The following CDH18 variants were observed in gnomAD, a reference collection of about 807,000 sequenced individuals.
The protein encoded by CDH18 is cadherin-18.
Under a neutral mutation model 67.9 loss-of-function variants are expected in CDH18, and 31 were observed. The ratio of observed to expected loss-of-function variants is 0.46; its 90% CI spans 0.34 to 0.62. The LOEUF (loss-of-function observed/expected upper bound fraction) is 0.62, where lower values mean the gene tolerates loss of function less well. Among genes scored for constraint, CDH18 ranks in the 20% least tolerant of loss-of-function variants. The pLI, the probability that CDH18 is intolerant of heterozygous loss-of-function variation, is 0.01. For missense variants in CDH18, 890 were observed against 975.5 expected (o/e 0.91, Z 1.17); for synonymous variants, 362 against 347.2 (o/e 1.04, Z -0.48).
intron 1 of CDH18, among the ~76,000 whole-genome samples, chr5:20,319,908 A>G (rs1226948058): frequency 1.3e-5 from 2 of 152,224 alleles, no homozygotes; most frequent in African/African-American, 2.4e-5. Context: ...GTAATTCTAC[A>G]TTCCAATAAT....
intron 1 of CDH18, among the ~76,000 whole-genome samples, chr5:20,366,294 C>A (rs1229595082): frequency 6.6e-6 from 1 of 152,124 alleles, no homozygotes; most frequent in Non-Finnish European, 1.5e-5. Flanking sequence ...TCACCACCAC[C>A]ACCACCCATT....
At chr5:20,506,231 C>T (rs1754649632) in intron 1 of CDH18, among the ~76,000 whole-genome samples, 3 of 152,204 alleles carry the variant, frequency 2.0e-5, no homozygotes, top group African/African-American at 4.8e-5. Flanking sequence ...ATGAAGCCCT[C>T]AGGCAACTGT....
intron 1 of CDH18, among the ~76,000 whole-genome samples, chr5:20,564,675 A>G (rs1432126766): frequency 6.6e-6 from 1 of 152,172 alleles, no homozygotes; most frequent in Admixed American, 6.6e-5. Context: ...TCTTGCATTT[A>G]AAAACATTTT....
intron 1 of CDH18, among the ~76,000 whole-genome samples, chr5:20,278,442 A>G (rs911214487): frequency 3.3e-5 from 5 of 152,060 alleles, no homozygotes; most frequent in African/African-American, 1.2e-4. Context: ...AATAAATACA[A>G]TCTTTCCCAG....
At chr5:19,741,382 T>C (rs1769196929) in intron 4 of CDH18, among the ~76,000 whole-genome samples, 1 of 150,460 alleles carries the variant, frequency 6.6e-6, no homozygotes, top group Admixed American at 6.6e-5. Flanking sequence ...GCCAGTACCT[T>C]ACTAGGAACC....
At chr5:19,762,273 A>G (rs527505404) in intron 3 of CDH18, among the ~76,000 whole-genome samples, 136 of 152,344 alleles carry the variant, frequency 8.9e-4, no homozygotes, top group East Asian at 2.7e-3. Context: ...GCTTCTGCAC[A>G]GCAAAAGAAA....
intron 2 of CDH18, among the ~76,000 whole-genome samples, chr5:20,100,028 C>T (rs911861178): frequency 1.3e-5 from 2 of 152,066 alleles, no homozygotes; most frequent in Admixed American, 1.3e-4. Context: ...TCAAATGGTC[C>T]GCCCGCCTTG....
At chr5:19,967,433 G>A (rs1797567762) in intron 2 of CDH18, among the ~76,000 whole-genome samples, 1 of 152,118 alleles carries the variant, frequency 6.6e-6, no homozygotes, top group Non-Finnish European at 1.5e-5. Context: ...ACTGTGTTCT[G>A]TTCTAGAATC....
At chr5:20,351,822 C>G (rs747438486) in intron 1 of CDH18, among the ~76,000 whole-genome samples, 1 of 152,108 alleles carries the variant, frequency 6.6e-6, no homozygotes, top group Non-Finnish European at 1.5e-5. Context: ...AAGATCTTCA[C>G]TTTTCGGTAT....
rs376117433 is a variant in CDH18 at position 19,473,435 on chromosome 5, C to T, written c.2164G>A (p.Glu722Lys). ...GGAACGCTAGGGTCTAGGTCTGCTT[C>T]TGCCAGTCTTTGCTTAATAAATTCC... ...VQEFIKQRLA[E>K]ADLDPSVPPY... is the part of the protein sequence containing the mutation. The change falls in exon 13 of 13, where the codon GAA (glutamate) becomes AAA (lysine). Residue 722 changes from glutamate (E) to lysine (K), a missense_variant. Physicochemically the swap from Glu to Lys is moderately conservative, Grantham distance 56. Coordinates refer to ENST00000382275, the MANE Select transcript of CDH18 (RefSeq NM_004934.5). The T allele has an allele frequency of 2.4e-5, 39 of 1,613,730 alleles. No individual in the cohort carries two copies. The highest frequency in any genetic ancestry group is 3.1e-5 in the Non-Finnish European group (36 of 1,179,902).
intron 2 of CDH18, among the ~76,000 whole-genome samples, chr5:20,028,725 G>T (rs1355927742): frequency 6.6e-6 from 1 of 152,140 alleles, no homozygotes; most frequent in Non-Finnish European, 1.5e-5. Flanking sequence ...CACATTCAGA[G>T]TGGAATAGAG....
intron 2 of CDH18, among the ~76,000 whole-genome samples, chr5:20,103,013 A>T (rs1746606786): frequency 6.6e-6 from 1 of 152,058 alleles, no homozygotes; most frequent in Admixed American, 6.6e-5. Context: ...TTTCAATGAG[A>T]CTCTTAGAAA....
chr5:20,283,766 A>C (rs1746470694), intron 1 of CDH18, among the ~76,000 whole-genome samples: 1 of 152,070 alleles, frequency 6.6e-6, no homozygotes, highest in Admixed American at 6.6e-5. Flanking sequence ...TACCCAAAAT[A>C]AAGGAAATTA....
chr5:20,508,253 A>G (rs1318305515), intron 1 of CDH18, among the ~76,000 whole-genome samples: 1 of 148,048 alleles, frequency 6.8e-6, no homozygotes, highest in Non-Finnish European at 1.5e-5. Context: ...AACAAATACT[A>G]GTTGTTTTTA....
rs570975022 is a variant in CDH18, at chr5:20,320,804, T to C, written c.-579-65299A>G. Among the ~76,000 whole-genome samples, 16 of 152,226 alleles carry C rather than the reference T, an allele frequency of 1.1e-4. No homozygotes were observed. The South Asian group carries it at 2.9e-3, about 28-fold the overall frequency. ...GATACTGGCTCTTTCCTGTGGCCCA[T>C]GAGGGGACTGATGGAGAACAACCAC... On this transcript the variant is annotated intron_variant, in intron 1 of 14. Transcript: ENST00000507958.
At chr5:20,398,645 A>G (rs1293573852) in intron 1 of CDH18, among the ~76,000 whole-genome samples, 1 of 152,128 alleles carries the variant, frequency 6.6e-6, no homozygotes, top group Non-Finnish European at 1.5e-5. Context: ...CAGCACACAT[A>G]TACCTATGTA....
intron 2 of CDH18, among the ~76,000 whole-genome samples, chr5:20,242,664 G>T (rs1293144289): frequency 4.7e-5 from 2 of 42,244 alleles, no homozygotes; most frequent in African/African-American, 1.3e-4. Context: ...AAATGGACTA[G>T]CTATCCAAGA....
chr5:20,175,961 C>G (rs1380518921), intron 2 of CDH18, among the ~76,000 whole-genome samples: 1 of 152,130 alleles, frequency 6.6e-6, no homozygotes, highest in African/African-American at 2.4e-5. Context: ...CCATTACAAG[C>G]TATATGATTA....
At chr5:19,940,208 A>G (rs913483939) in intron 2 of CDH18, among the ~76,000 whole-genome samples, 5 of 151,530 alleles carry the variant, frequency 3.3e-5, no homozygotes, top group Non-Finnish European at 7.4e-5. Flanking sequence ...CTGATTACTG[A>G]GAATATTAAA....
Sources: allele counts gnomAD v4.1 joint callset (sites outside exome capture counted in the v4.1 genomes callset), GRCh38; gene constraint gnomAD v4.1.1; transcripts MANE v1.5; gene names NCBI Gene and HGNC (gene_info 2026-07-23, HGNC 2026-07-21).